The following GLRX3 variants were observed in gnomAD, a reference collection of about 807,000 sequenced individuals.
GLRX3 encodes the protein glutaredoxin-3.
Under a neutral mutation model 49.5 loss-of-function variants are expected in GLRX3, and 22 were observed. The observed-to-expected ratio is 0.44, with a 90% confidence interval of 0.32 to 0.63. The LOEUF (loss-of-function observed/expected upper bound fraction) is 0.63, where lower values mean the gene tolerates loss of function less well. Among genes scored for constraint, GLRX3 ranks in the 30% least tolerant of loss-of-function variants. The pLI is 0.05. For missense variants in GLRX3, 385 were observed against 396.3 expected (o/e 0.97, Z 0.24); for synonymous variants, 133 against 140.0 (o/e 0.95, Z 0.35).
intron 2 of GLRX3, among the ~76,000 whole-genome samples, chr10:130,158,742 GT>G (rs74508502): frequency 0.051 from 7,815 of 152,154 alleles, 412 homozygotes; most frequent in African/African-American, 0.13. Flanking sequence ...TTGAGAGTCT[GT>G]TCTAAATAGC....
At chr10:130,177,662 C>T (rs912833589) in intron 10 of GLRX3, among the ~76,000 whole-genome samples, 12 of 152,170 alleles carry the variant, frequency 7.9e-5, no homozygotes, top group African/African-American at 2.9e-4. Flanking sequence ...GTGGTCCTCT[C>T]CGTGCCTTCT....
At position 130,145,300 on chromosome 10, in the gene GLRX3, C is replaced by G. The variant is rs779422263; in HGVS notation, c.182C>G (p.Pro61Arg). 6.9e-7 allele frequency: 1 copy of G among 1,452,302 alleles called. No individual in the cohort carries two copies. The highest frequency in any genetic ancestry group is 2.3e-5 in the East Asian group (1 of 44,058). 90.0% of individuals were successfully genotyped at this position (1,452,302 alleles called of 1,614,324 possible). The change falls in exon 2 of 11, where the codon CCT (proline) becomes CGT (arginine). Residue 61 changes from proline to arginine, a missense_variant. Pro to Arg is a moderately radical substitution (Grantham distance 103). Around this residue, in one of 2 missense-constraint regions of GLRX3, gnomAD observed 374 missense variants for 358.6 expected, o/e 1.04. Transcript: ENST00000331244. Reference protein sequence around the residue: ...EVMAELAKELPQVSFVKLEAE... With the variant: ...EVMAELAKELRQVSFVKLEAE... ...ATGGCAGAGTTAGCTAAAGAACTCC[C>G]TCAAGTTTCATTTGTGAAGGTATTT...
intron 10 of GLRX3, among the ~76,000 whole-genome samples, chr10:130,175,706 A>G (rs1191875728): frequency 1.3e-5 from 2 of 152,178 alleles, no homozygotes; most frequent in African/African-American, 4.8e-5. Flanking sequence ...TTTTAAATGG[A>G]CGTTACTTTG....
intron 4 of GLRX3, among the ~76,000 whole-genome samples, chr10:130,165,257 A>G (rs1379588049): frequency 1.3e-5 from 2 of 152,348 alleles, no homozygotes; most frequent in African/African-American, 4.8e-5. Flanking sequence ...TGAGGCGTGA[A>G]AGAGTAGGGC....
chr10:130,177,188 G>A (rs1015718603), intron 10 of GLRX3, among the ~76,000 whole-genome samples: 2 of 152,152 alleles, frequency 1.3e-5, no homozygotes, highest in African/African-American at 4.8e-5. Context: ...TGGCCTCTTT[G>A]GAGCAATGAG....
intron 6 of GLRX3, among the ~76,000 whole-genome samples, chr10:130,168,152 C>T (rs80251927): frequency 6.6e-6 from 1 of 152,232 alleles, no homozygotes; most frequent in African/African-American, 2.4e-5. Context: ...AGAATTATGT[C>T]GGAAGGAAAA....
At chr10:130,160,491 G>C (rs1226084692) in intron 3 of GLRX3, among the ~76,000 whole-genome samples, 1 of 152,172 alleles carries the variant, frequency 6.6e-6, no homozygotes, top group African/African-American at 2.4e-5. Flanking sequence ...TGTCATCGTA[G>C]TTCCCCAAAT....
intron 2 of GLRX3, among the ~76,000 whole-genome samples, chr10:130,155,597 G>T (rs1862456978): frequency 6.6e-6 from 1 of 152,214 alleles, no homozygotes; most frequent in Non-Finnish European, 1.5e-5. Flanking sequence ...GATTTTGTGA[G>T]ATAGAGATGC....
chr10:130,158,857 A>G (rs1862525606), intron 2 of GLRX3, among the ~76,000 whole-genome samples: 1 of 152,202 alleles, frequency 6.6e-6, no homozygotes, highest in South Asian at 2.1e-4. Flanking sequence ...AAATAATTAA[A>G]AATATTGTTG....
chr10:130,152,258 A>G (rs1175570280), intron 2 of GLRX3, among the ~76,000 whole-genome samples: 3 of 152,114 alleles, frequency 2.0e-5, no homozygotes, highest in African/African-American at 7.2e-5. Flanking sequence ...ACCTCAAATG[A>G]TCCACCTGCC....
Position 130,176,105 on chromosome 10 carries a change from A to G in GLRX3, c.957+1016A>G, listed in dbSNP as rs574960327. 2.0e-5 allele frequency among the ~76,000 whole-genome samples: 3 copies of G among 151,948 alleles called. No homozygotes were observed. In the East Asian group the frequency reaches 5.8e-4, roughly 29 times the overall value. The stretch of plus-strand genomic sequence containing the variant: ...AGTACTACTTCTAGTTATGTTGTAA[A>G]ATAAAAGTTTTTTTTTTTTTTTTAC... On this transcript the variant is annotated intron_variant, in intron 10 of 10. Transcript: ENST00000331244.
chr10:130,146,492 T>C (rs1040323878), intron 2 of GLRX3, among the ~76,000 whole-genome samples: 5 of 152,148 alleles, frequency 3.3e-5, no homozygotes, highest in Non-Finnish European at 7.4e-5. Context: ...CTCTCTTGAG[T>C]GGATGAGTGC....
chr10:130,150,132 C>T (rs1353443203), intron 2 of GLRX3, among the ~76,000 whole-genome samples: 2 of 149,772 alleles, frequency 1.3e-5, no homozygotes, highest in Non-Finnish European at 3.0e-5. Context: ...CCCAGCTAGT[C>T]GGGAGGCTGA....
chr10:130,137,825 C>T (rs1862092263), intron 1 of GLRX3, among the ~76,000 whole-genome samples: 1 of 152,158 alleles, frequency 6.6e-6, no homozygotes, highest in Non-Finnish European at 1.5e-5. Context: ...GCCTCCGCCT[C>T]CCAGGCTCAA....
chr10:130,147,140 A>G (rs1047596024), intron 2 of GLRX3, among the ~76,000 whole-genome samples: 1 of 152,262 alleles, frequency 6.6e-6, no homozygotes, highest in Non-Finnish European at 1.5e-5. Flanking sequence ...AATGAAATGT[A>G]TAATGTAACT....
chr10:130,173,365 G>A (rs563307655), intron 8 of GLRX3, among the ~76,000 whole-genome samples: 6 of 152,300 alleles, frequency 3.9e-5, no homozygotes, highest in South Asian at 2.1e-4. Context: ...CTTGCTAAGC[G>A]TGATTGGCCC....
intron 2 of GLRX3, among the ~76,000 whole-genome samples, chr10:130,156,021 C>T (rs1021097940): frequency 2.0e-5 from 3 of 152,206 alleles, no homozygotes; most frequent in African/African-American, 4.8e-5. Flanking sequence ...TGTAGGGAGG[C>T]GCTTGGCTCC....
chr10:130,160,898 G>C lies in GLRX3; in HGVS notation c.379G>C (p.Glu127Gln). ...TGGCTCCTTCCTACCCAGCGCTAATGAACATCTTAAAGAAGATCTCAACCT... is the reference window on the plus strand; with the variant it reads ...TGGCTCCTTCCTACCCAGCGCTAATCAACATCTTAAAGAAGATCTCAACCT... ...SSGSFLPSANEHLKEDLNLRL... is the reference protein window; with the variant it reads ...SSGSFLPSANQHLKEDLNLRL... Residue 127 changes from glutamate (E) to glutamine (Q), a missense_variant, in exon 4 of 11, where the codon GAA becomes CAA. Physicochemically the swap from Glu to Gln is conservative, Grantham distance 29. Transcript: ENST00000331244. The C allele has an allele frequency of 6.2e-7, 1 of 1,613,010 alleles. No individual in the cohort carries two copies. Among genetic ancestry groups the C allele is most frequent in the Non-Finnish European group, 8.5e-7 (1 of 1,179,022 alleles).
intron 4 of GLRX3, among the ~76,000 whole-genome samples, chr10:130,165,494 T>A (rs1351112890): frequency 6.6e-6 from 1 of 151,960 alleles, no homozygotes; most frequent in African/African-American, 2.4e-5. Context: ...AGTAAAAAAA[T>A]TACATTACAT....
Sources: allele counts gnomAD v4.1 joint callset (sites outside exome capture counted in the v4.1 genomes callset), GRCh38; gene constraint gnomAD v4.1.1; regional missense constraint gnomAD v4.1.1; transcripts MANE v1.5; gene names NCBI Gene and HGNC (gene_info 2026-07-23, HGNC 2026-07-21).